The following PRELID2 variants were observed in gnomAD, a reference collection of about 807,000 sequenced individuals.
The protein encoded by PRELID2 is PRELI domain containing 2, also known as PRELI domain-containing protein 2.
In PRELID2, 25 loss-of-function variants were observed where a neutral mutation model predicts 28.4. The observed-to-expected ratio is 0.88, with a 90% CI of 0.64 to 1.23. PRELID2 has a LOEUF of 1.23. Among genes scored for constraint, PRELID2 ranks in the 50% most tolerant of loss-of-function variants. The probability of loss-of-function intolerance (pLI) is 0.00; values close to 1 mark genes in which losing one functional copy is unlikely to be tolerated. For synonymous variants in PRELID2, 76 were observed against 71.6 expected, an observed-to-expected ratio of 1.06 and a Z score of -0.31; for missense variants, 201 against 214.4, an observed-to-expected ratio of 0.94 and a Z score of 0.39.
the PRELID2 span, among the ~76,000 whole-genome samples, chr5:145,276,565 C>G: frequency 6.6e-6 from 1 of 152,102 alleles, no homozygotes; most frequent in Non-Finnish European, 1.5e-5. Context: ...TCCTCCCCCT[C>G]TGCCAGAAGA....
chr5:145,329,154 T>C, the PRELID2 span, among the ~76,000 whole-genome samples: 15 of 152,220 alleles, frequency 9.9e-5, no homozygotes, highest in Non-Finnish European at 2.2e-4. Context: ...TTGTTACCAA[T>C]ACCATGGTGT....
At chr5:145,524,022 A>G (rs1752586419) in intron 1 of PRELID2, among the ~76,000 whole-genome samples, 1 of 152,090 alleles carries the variant, frequency 6.6e-6, no homozygotes, top group South Asian at 2.1e-4. Flanking sequence ...CTGCTTCTCA[A>G]AGGATTTTTT....
intron 1 of PRELID2, among the ~76,000 whole-genome samples, chr5:145,608,356 G>A (rs114232626): frequency 3.3e-5 from 5 of 152,158 alleles, no homozygotes; most frequent in African/African-American, 1.2e-4. Flanking sequence ...CCATACTCAA[G>A]TGTGTCTTTG....
At position 145,718,225 on chromosome 5, in the gene PRELID2, C is replaced by T. The variant is rs926817789; in HGVS notation, n.70+46706G>A. ...GCTATTAGAAAAAATAAGAGCTTAG[C>T]AATGATGCTGATATATGATTGACCT... On this transcript the variant is annotated intron_variant and non_coding_transcript_variant, in intron 1 of 2. Transcript: ENST00000510259. 5.3e-5 allele frequency among the ~76,000 whole-genome samples: 8 copies of T among 151,928 alleles called. No homozygotes were observed. The South Asian group carries it at 1.7e-3, about 32-fold the overall frequency.
At chr5:145,499,775 G>T (rs919581591) in intron 1 of PRELID2, among the ~76,000 whole-genome samples, 3 of 152,208 alleles carry the variant, frequency 2.0e-5, no homozygotes, top group Non-Finnish European at 4.4e-5. Flanking sequence ...ACCCCGAAAT[G>T]AAAGGACAGC....
At chr5:145,265,324 C>G in the PRELID2 span, among the ~76,000 whole-genome samples, 3 of 152,114 alleles carry the variant, frequency 2.0e-5, no homozygotes, top group Non-Finnish European at 4.4e-5. Context: ...ATAGATGACA[C>G]AAACAAATAC....
chr5:145,751,694 T>A (rs1757127528), downstream of PRELID2, among the ~76,000 whole-genome samples: 1 of 151,908 alleles, frequency 6.6e-6, no homozygotes, highest in Non-Finnish European at 1.5e-5. Context: ...AAAAGAAGAG[T>A]TTTTGGGCCA....
At chr5:145,322,459 G>A in the PRELID2 span, among the ~76,000 whole-genome samples, 3 of 152,116 alleles carry the variant, frequency 2.0e-5, no homozygotes, top group African/African-American at 7.2e-5. Flanking sequence ...GTCTGAACAT[G>A]TAGCATTGAG....
chr5:145,771,946 T>G (rs934216748), intron 5 of PRELID2, among the ~76,000 whole-genome samples: 1 of 152,062 alleles, frequency 6.6e-6, no homozygotes, highest in African/African-American at 2.4e-5. Context: ...GGGATCTACA[T>G]CCAGTTTTCT....
At chr5:145,825,249 A>C (rs1469007248) in intron 1 of PRELID2, among the ~76,000 whole-genome samples, 1 of 145,138 alleles carries the variant, frequency 6.9e-6, no homozygotes, top group Non-Finnish European at 1.5e-5. Flanking sequence ...AAAAAAAAAA[A>C]AAAAAAAAAA....
At chr5:145,484,913 T>G (rs1752201661) in intron 1 of PRELID2, among the ~76,000 whole-genome samples, 1 of 152,192 alleles carries the variant, frequency 6.6e-6, no homozygotes, top group Non-Finnish European at 1.5e-5. Flanking sequence ...GATACAATTC[T>G]TGCCCTCAAG....
At chr5:145,676,358 T>C (rs2149686197) in intron 1 of PRELID2, among the ~76,000 whole-genome samples, 1 of 151,532 alleles carries the variant, frequency 6.6e-6, no homozygotes, top group Non-Finnish European at 1.5e-5. Context: ...GCCAACATGG[T>C]GAAACCCTGT....
At chr5:145,640,302 G>A (rs1373742598) in intron 1 of PRELID2, among the ~76,000 whole-genome samples, 7 of 151,822 alleles carry the variant, frequency 4.6e-5, no homozygotes, top group Non-Finnish European at 7.4e-5. Context: ...GTGAAACCCC[G>A]TCTCTACTAA....
At chr5:145,729,265 C>A in intron 1 of PRELID2, 3 of 1,071,118 alleles carry the variant, frequency 2.8e-6, no homozygotes, top group Admixed American at 1.8e-5. Flanking sequence ...GCTAACATAC[C>A]AAAATCAAGC....
chr5:145,282,544 G>A, the PRELID2 span, among the ~76,000 whole-genome samples: 1 of 150,612 alleles, frequency 6.6e-6, no homozygotes, highest in African/African-American at 2.4e-5. Flanking sequence ...TTTTGAGACG[G>A]AGTCTTGTTC....
chr5:145,305,717 AAC>A, the PRELID2 span, among the ~76,000 whole-genome samples: 1 of 151,734 alleles, frequency 6.6e-6, no homozygotes, highest in Non-Finnish European at 1.5e-5. Flanking sequence ...CACACATACA[AAC>A]ACACACACAC....
the PRELID2 span, among the ~76,000 whole-genome samples, chr5:145,382,288 A>C: frequency 1.3e-5 from 2 of 152,038 alleles, no homozygotes; most frequent in African/African-American, 4.8e-5. Flanking sequence ...TAAGCAGTCT[A>C]GCATACATAA....
At chr5:145,802,531 A>C (rs1753204092) in intron 4 of PRELID2, among the ~76,000 whole-genome samples, 1 of 152,214 alleles carries the variant, frequency 6.6e-6, no homozygotes, top group Non-Finnish European at 1.5e-5. Context: ...AAGGCAAGAA[A>C]TATATAATAC....
At chr5:145,700,113 C>T (rs76478550) in intron 1 of PRELID2, among the ~76,000 whole-genome samples, 1 of 152,054 alleles carries the variant, frequency 6.6e-6, no homozygotes, top group Admixed American at 6.5e-5. Flanking sequence ...AGTGATGTAA[C>T]CTCTGCAAGC....
Sources: gnomAD v4.1 joint callset for allele counts (sites outside exome capture counted in the v4.1 genomes callset) on GRCh38, gnomAD v4.1.1 for gene constraint, MANE v1.5 for transcripts, NCBI Gene and HGNC (gene_info 2026-07-23, HGNC 2026-07-21) for gene names.